The following LPP variants were observed in gnomAD, a reference collection of about 807,000 sequenced individuals.
LPP encodes the protein lipoma-preferred partner.
Under a neutral mutation model 60.4 loss-of-function variants are expected in LPP, and 38 were observed. That is an observed-to-expected ratio of 0.63 (90% CI 0.49 to 0.83). The LOEUF is 0.83. Ranked by LOEUF, LPP falls within the 40% of genes least tolerant of loss-of-function variation. The pLI is 0.00. For synonymous variants in LPP, 328 were observed against 290.8 expected, an observed-to-expected ratio of 1.13 and a Z score of -1.30; for missense variants, 902 against 783.6, an observed-to-expected ratio of 1.15 and a Z score of -1.80.
At chr3:188,774,495 C>T (rs1186995570) in intron 9 of LPP, among the ~76,000 whole-genome samples, 3 of 151,946 alleles carry the variant, frequency 2.0e-5, no homozygotes, top group Admixed American at 6.6e-5. Context: ...TCTTACTCCA[C>T]ATTTCTGAAA....
chr3:188,832,788 C>T (rs1757445510), intron 9 of LPP, among the ~76,000 whole-genome samples: 1 of 152,188 alleles, frequency 6.6e-6, no homozygotes, highest in Non-Finnish European at 1.5e-5. Context: ...TCAAGTTCAG[C>T]TGTGGTCTTC....
At chr3:188,245,563 G>A (rs1292139131) in intron 2 of LPP, among the ~76,000 whole-genome samples, 1 of 151,824 alleles carries the variant, frequency 6.6e-6, no homozygotes, top group Non-Finnish European at 1.5e-5. Context: ...CTCTTAGAAG[G>A]TACCTTATAT....
At chr3:188,829,433 C>T (rs972794863) in intron 9 of LPP, among the ~76,000 whole-genome samples, 1 of 152,176 alleles carries the variant, frequency 6.6e-6, no homozygotes, top group Non-Finnish European at 1.5e-5. Context: ...GAGTCACCCA[C>T]TCACCTCCTA....
At chr3:188,170,157 G>A (rs550590358) in intron 1 of LPP, among the ~76,000 whole-genome samples, 3 of 152,240 alleles carry the variant, frequency 2.0e-5, no homozygotes, top group African/African-American at 4.8e-5. Flanking sequence ...ATTTTTTGGC[G>A]CAGAACTTTC....
At chr3:188,481,709 G>A (rs774617713) in intron 4 of LPP, among the ~76,000 whole-genome samples, 5 of 152,090 alleles carry the variant, frequency 3.3e-5, no homozygotes, top group Non-Finnish European at 5.9e-5. Context: ...TCTAAAGTAG[G>A]AATAACATGT....
intron 4 of LPP, among the ~76,000 whole-genome samples, chr3:188,465,106 G>A (rs1800055155): frequency 6.6e-6 from 1 of 152,054 alleles, no homozygotes; most frequent in African/African-American, 2.4e-5. Flanking sequence ...AGAAGACAGT[G>A]TGATATTCTC....
chr3:188,834,324 G>GTTTTTTTTTTTTTTTTTTTTTTTTTTT (rs71867135), intron 9 of LPP, among the ~76,000 whole-genome samples: 13 of 34,074 alleles, frequency 3.8e-4, no homozygotes, highest in Admixed American at 4.4e-4. Context: ...CTTTTTGGGT[G>GTTTTTTTTTTTTTTTTTTTTTTTTTTT]TTTTTTTTTT....
chr3:188,710,131 T>C (rs1207731128), intron 8 of LPP: 1 of 152,204 alleles, frequency 6.6e-6, no homozygotes, highest in Non-Finnish European at 1.5e-5. Flanking sequence ...TTTTCTATTT[T>C]CATGTCTTTT....
At chr3:188,852,174 A>AAAAG (rs998860568) in intron 9 of LPP, among the ~76,000 whole-genome samples, 1 of 152,268 alleles carries the variant, frequency 6.6e-6, no homozygotes, top group East Asian at 1.9e-4. Context: ...AAAAAAGACA[A>AAAAG]AAAGAAAGAA....
intron 2 of LPP, among the ~76,000 whole-genome samples, chr3:188,303,621 G>C (rs1244265323): frequency 6.6e-6 from 1 of 152,158 alleles, no homozygotes; most frequent in African/African-American, 2.4e-5. Context: ...ACCAGCGGTG[G>C]TAGGAGAAGC....
intron 8 of LPP, among the ~76,000 whole-genome samples, chr3:188,758,954 A>T (rs547425588): frequency 6.6e-6 from 1 of 152,336 alleles, no homozygotes; most frequent in African/African-American, 2.4e-5. Flanking sequence ...AAAGTCTGAC[A>T]TATGTGAAGC....
chr3:188,231,605 C>T (rs969755244), intron 2 of LPP, among the ~76,000 whole-genome samples: 1 of 151,848 alleles, frequency 6.6e-6, no homozygotes, highest in Non-Finnish European at 1.5e-5. Flanking sequence ...CGTGAGACAC[C>T]GAGACTTGGA....
At chr3:188,205,277 CTTTTTTTT>C (rs34713244) in intron 1 of LPP, among the ~76,000 whole-genome samples, 1 of 103,418 alleles carries the variant, frequency 9.7e-6, no homozygotes, top group Non-Finnish European at 1.9e-5. Context: ...AGATTATAAT[CTTTTTTTT>C]TTTTTTTTTT....
intron 1 of LPP, among the ~76,000 whole-genome samples, chr3:188,183,489 G>C (rs751788024): frequency 6.6e-6 from 1 of 152,112 alleles, no homozygotes. Context: ...GGGAGCCCCC[G>C]GTCAACTTCT....
intron 2 of LPP, among the ~76,000 whole-genome samples, chr3:188,245,814 T>C (rs560555946): frequency 6.6e-6 from 1 of 152,248 alleles, no homozygotes; most frequent in South Asian, 2.1e-4. Flanking sequence ...AGTGCTAAGA[T>C]TATAGGTGTG....
intron 4 of LPP, among the ~76,000 whole-genome samples, chr3:188,463,623 A>G (rs548048964): frequency 6.6e-6 from 1 of 152,308 alleles, no homozygotes; most frequent in South Asian, 2.1e-4. Context: ...CAAGAGTCCA[A>G]TGCTGCATAA....
intron 8 of LPP, among the ~76,000 whole-genome samples, chr3:188,753,623 T>C (rs560607569): frequency 6.9e-6 from 1 of 143,946 alleles, no homozygotes; most frequent in East Asian, 2.0e-4. Flanking sequence ...GTGTTTTGTT[T>C]TTTGTTTTTT....
intron 5 of LPP, among the ~76,000 whole-genome samples, chr3:188,515,288 C>T (rs572361810): frequency 6.6e-6 from 1 of 152,214 alleles, no homozygotes; most frequent in South Asian, 2.1e-4. Flanking sequence ...TACCTCTCCC[C>T]AAGCCTTGTT....
At chr3:188,236,221 A>G (rs554374385) in intron 2 of LPP, among the ~76,000 whole-genome samples, 6 of 152,358 alleles carry the variant, frequency 3.9e-5, no homozygotes, top group African/African-American at 1.2e-4. Context: ...CAACCTAAAT[A>G]TATTAAGAAG....
Sources: gnomAD v4.1 joint callset for allele counts (sites outside exome capture counted in the v4.1 genomes callset) on GRCh38, gnomAD v4.1.1 for gene constraint, MANE v1.5 for transcripts, NCBI Gene and HGNC (gene_info 2026-07-23, HGNC 2026-07-21) for gene names.